EXOC4: variants seen among roughly 807,000 people sequenced by gnomAD.
EXOC4 encodes the protein SEC8-like 1.
Under a neutral mutation model 107.2 loss-of-function variants are expected in EXOC4, and 71 were observed. The ratio of observed to expected loss-of-function variants is 0.66; its 90% CI spans 0.55 to 0.81. EXOC4 has a LOEUF of 0.81. EXOC4 is among the 30% of genes least tolerant of loss of function. EXOC4 has a pLI of 0.00. For synonymous variants in EXOC4, 456 were observed against 441.2 expected (o/e 1.03, Z -0.42); for missense variants, 1,108 against 1,189.6 (o/e 0.93, Z 1.01).
chr7:133,885,312 C>CA (rs1325296000), intron 11 of EXOC4, among the ~76,000 whole-genome samples: 4,837 of 90,048 alleles, frequency 0.054, 282 homozygotes, highest in Admixed American at 0.21. Flanking sequence ...GACCCCGTCT[C>CA]AAAAAAAAAA....
At chr7:133,867,274 A>G (rs1798660277) in intron 11 of EXOC4, among the ~76,000 whole-genome samples, 1 of 152,238 alleles carries the variant, frequency 6.6e-6, no homozygotes, top group South Asian at 2.1e-4. Flanking sequence ...CCTTCTTCAC[A>G]GGATTGTTGC....
intron 9 of EXOC4, among the ~76,000 whole-genome samples, chr7:133,578,553 C>T (rs1002265364): frequency 6.6e-6 from 1 of 152,044 alleles, no homozygotes; most frequent in South Asian, 2.1e-4. Flanking sequence ...TTGAAAGCTC[C>T]TTGTATTAGC....
chr7:134,046,765 A>G (rs376793216), intron 17 of EXOC4, among the ~76,000 whole-genome samples: 54 of 152,076 alleles, frequency 3.6e-4, no homozygotes, highest in African/African-American at 1.3e-3. Context: ...ATGCCTTTGC[A>G]TTTTCTCCTC....
intron 10 of EXOC4, among the ~76,000 whole-genome samples, chr7:133,775,060 A>T (rs75598352): frequency 2.6e-5 from 4 of 152,096 alleles, no homozygotes; most frequent in Non-Finnish European, 5.9e-5. Flanking sequence ...AAAAGAGTTA[A>T]CTCTATGGAG....
chr7:133,912,244 A>G (rs1799710773), intron 12 of EXOC4, among the ~76,000 whole-genome samples: 1 of 152,222 alleles, frequency 6.6e-6, no homozygotes, highest in Non-Finnish European at 1.5e-5. Context: ...AGATCATTGT[A>G]GGCTGACATA....
chr7:133,671,423 G>A (rs958805752), intron 10 of EXOC4, among the ~76,000 whole-genome samples: 14 of 152,022 alleles, frequency 9.2e-5, no homozygotes, highest in Admixed American at 4.6e-4. Flanking sequence ...AAATTAGCTG[G>A]GCGTGTGTTG....
chr7:133,725,306 A>G (rs978220507), intron 10 of EXOC4, among the ~76,000 whole-genome samples: 1 of 152,212 alleles, frequency 6.6e-6, no homozygotes, highest in Non-Finnish European at 1.5e-5. Flanking sequence ...ATGCAGATCA[A>G]GGCTTAGCAA....
the EXOC4 span, among the ~76,000 whole-genome samples, chr7:134,082,729 G>A: frequency 5.3e-5 from 8 of 152,124 alleles, no homozygotes; most frequent in African/African-American, 1.4e-4. Context: ...ATGACCCACC[G>A]TACCCGGCCT....
At chr7:134,002,443 A>T (rs897483879) in intron 15 of EXOC4, among the ~76,000 whole-genome samples, 16 of 152,162 alleles carry the variant, frequency 1.1e-4, no homozygotes, top group Non-Finnish European at 2.4e-4. Context: ...GACACTAAAA[A>T]TACCATCCAA....
intron 9 of EXOC4, among the ~76,000 whole-genome samples, chr7:133,629,830 A>G (rs1394148873): frequency 2.0e-5 from 3 of 151,978 alleles, no homozygotes; most frequent in African/African-American, 7.3e-5. Flanking sequence ...GCTGTGAGCC[A>G]CCGTGCCCGG....
At chr7:133,539,848 G>A (rs1800345653) in intron 9 of EXOC4, among the ~76,000 whole-genome samples, 1 of 152,050 alleles carries the variant, frequency 6.6e-6, no homozygotes, top group African/African-American at 2.4e-5. Flanking sequence ...CCCTAGACCT[G>A]AGAATTTCTA....
chr7:133,526,460 A>G (rs1800080489), intron 9 of EXOC4, among the ~76,000 whole-genome samples: 2 of 152,212 alleles, frequency 1.3e-5, no homozygotes, highest in Non-Finnish European at 2.9e-5. Flanking sequence ...AATGAAAACA[A>G]GAACAAACAA....
chr7:133,686,286 C>G (rs1441424926), intron 10 of EXOC4, among the ~76,000 whole-genome samples: 1 of 152,152 alleles, frequency 6.6e-6, no homozygotes, highest in Non-Finnish European at 1.5e-5. Context: ...TTATAAGCAA[C>G]AGAAAATGGA....
intron 11 of EXOC4, among the ~76,000 whole-genome samples, chr7:133,856,927 C>T (rs1258507912): frequency 1.3e-5 from 2 of 150,376 alleles, no homozygotes; most frequent in African/African-American, 2.4e-5. Flanking sequence ...GGTGAAACCC[C>T]GTCTCTACTA....
chr7:134,032,209 C>T (rs975827073), intron 17 of EXOC4, among the ~76,000 whole-genome samples: 1 of 152,192 alleles, frequency 6.6e-6, no homozygotes, highest in African/African-American at 2.4e-5. Flanking sequence ...TAGAAAGCAA[C>T]ATCCTCCATA....
chr7:133,492,361 A>G (rs1386741706), intron 9 of EXOC4, among the ~76,000 whole-genome samples: 1 of 152,218 alleles, frequency 6.6e-6, no homozygotes, highest in African/African-American at 2.4e-5. Context: ...AAGACAGGAA[A>G]TATAAAAAGA....
At chr7:133,706,278 A>G (rs112850782) in intron 10 of EXOC4, among the ~76,000 whole-genome samples, 2 of 152,348 alleles carry the variant, frequency 1.3e-5, no homozygotes, top group African/African-American at 4.8e-5. Flanking sequence ...ATATCCAGAT[A>G]AGTAATTTCC....
At chr7:133,374,731 A>G (rs1248806257) in intron 6 of EXOC4, 97 bp from the exon 7 acceptor site, 1 of 946,698 alleles carries the variant, frequency 1.1e-6, no homozygotes, top group Non-Finnish European at 1.6e-6. Context: ...ACATTGTAGA[A>G]TGCTACTTTA....
intron 14 of EXOC4, among the ~76,000 whole-genome samples, chr7:133,971,404 AGAG>A (rs1563076082): frequency 1.5e-5 from 2 of 131,004 alleles, no homozygotes; most frequent in East Asian, 2.2e-4. Flanking sequence ...AGAGAGAGAA[AGAG>A]AGAGAGAATA....
Sources: gnomAD v4.1 joint callset for allele counts (sites outside exome capture counted in the v4.1 genomes callset) on GRCh38, gnomAD v4.1.1 for gene constraint, MANE v1.5 for transcripts, NCBI Gene and HGNC (gene_info 2026-07-23, HGNC 2026-07-21) for gene names.